Variants in CDH13 observed in about 807,000 individuals in gnomAD.
CDH13 encodes cadherin-13.
Under a neutral mutation model 63.8 loss-of-function variants are expected in CDH13, and 24 were observed. The observed-to-expected ratio is 0.38, with a 90% CI of 0.27 to 0.53. CDH13 has a LOEUF of 0.53. Among genes scored for constraint, CDH13 ranks in the 20% least tolerant of loss-of-function variants. The pLI is 0.85. For missense variants in CDH13, 1,049 were observed against 903.1 expected (o/e 1.16, Z -2.07); for synonymous variants, 503 against 355.3 (o/e 1.42, Z -4.67).
At chr16:83,119,469 C>G (rs2035465535) in intron 3 of CDH13, among the ~76,000 whole-genome samples, 1 of 152,206 alleles carries the variant, frequency 6.6e-6, no homozygotes, top group South Asian at 2.1e-4. Flanking sequence ...TTTTAAAAGC[C>G]TTTGCCCACT....
chr16:83,420,846 G>T (rs965569814), intron 6 of CDH13, among the ~76,000 whole-genome samples: 1 of 152,186 alleles, frequency 6.6e-6, no homozygotes, highest in Non-Finnish European at 1.5e-5. Context: ...AAGTCCCAGA[G>T]TCCAAAGGCT....
chr16:83,566,366 G>A (rs558361596), intron 7 of CDH13, among the ~76,000 whole-genome samples: 9 of 152,254 alleles, frequency 5.9e-5, no homozygotes, highest in Non-Finnish European at 1.0e-4. Context: ...TGCTGGAATG[G>A]GAGTTCCAGC....
intron 2 of CDH13, among the ~76,000 whole-genome samples, chr16:82,967,557 C>T (rs1209518791): frequency 3.3e-5 from 5 of 152,174 alleles, no homozygotes; most frequent in African/African-American, 4.8e-5. Flanking sequence ...CGTGGGAAGC[C>T]CACAGGAACA....
chr16:83,084,129 C>T (rs183914309), intron 3 of CDH13, among the ~76,000 whole-genome samples: 21 of 152,268 alleles, frequency 1.4e-4, no homozygotes, highest in Middle Eastern at 3.4e-3. Context: ...TTATAGGTAG[C>T]GCTCTTCACA....
intron 1 of CDH13, among the ~76,000 whole-genome samples, chr16:82,680,611 T>C (rs1246449420): frequency 5.9e-5 from 9 of 152,180 alleles, no homozygotes; most frequent in Non-Finnish European, 1.0e-4. Flanking sequence ...TCAGTGATCA[T>C]TATATTACTC....
chr16:83,082,926 C>G (rs550603115), intron 3 of CDH13, among the ~76,000 whole-genome samples: 1 of 152,304 alleles, frequency 6.6e-6, no homozygotes, highest in Admixed American at 6.5e-5. Context: ...TGATTTATGT[C>G]TATTCCCAGA....
At chr16:83,420,460 C>G (rs1428406702) in intron 6 of CDH13, among the ~76,000 whole-genome samples, 2 of 152,156 alleles carry the variant, frequency 1.3e-5, no homozygotes, top group Admixed American at 6.5e-5. Flanking sequence ...TGGGCAGAGA[C>G]CACAGGAGTA....
intron 7 of CDH13, among the ~76,000 whole-genome samples, chr16:83,599,437 A>T (rs1016402983): frequency 6.6e-6 from 1 of 152,226 alleles, no homozygotes; most frequent in Non-Finnish European, 1.5e-5. Flanking sequence ...AAATATGAAT[A>T]AAAAGCCTGA....
intron 5 of CDH13, among the ~76,000 whole-genome samples, chr16:83,269,406 T>C (rs559585339): frequency 6.6e-6 from 1 of 152,130 alleles, no homozygotes; most frequent in Non-Finnish European, 1.5e-5. Context: ...TCTCAAATAT[T>C]GATTATCTAA....
rs192190231 is a variant in CDH13, at chr16:83,371,933, C to G, written c.781+26927C>G. On this transcript the variant is annotated intron_variant, in intron 6 of 13. Transcript: ENST00000567109. ...AAAATAGGTGTTTAATAAATGGTAACTAATCATCCCCCGGACCGTATATAC... is the reference window on the plus strand; with the variant it reads ...AAAATAGGTGTTTAATAAATGGTAAGTAATCATCCCCCGGACCGTATATAC... 6.6e-4 allele frequency among the ~76,000 whole-genome samples: 100 copies of G among 152,308 alleles called. 1 individual carries two copies. The highest frequency in any genetic ancestry group is 6.5e-3 in the Admixed American group (100 of 15,294).
chr16:83,332,876 T>C (rs2090508347), intron 5 of CDH13, among the ~76,000 whole-genome samples: 2 of 152,152 alleles, frequency 1.3e-5, no homozygotes, highest in Non-Finnish European at 2.9e-5. Context: ...TGAGCGTGCA[T>C]ACACATAAGA....
intron 3 of CDH13, among the ~76,000 whole-genome samples, chr16:83,119,278 C>G (rs561289852): frequency 3.0e-4 from 46 of 152,294 alleles, no homozygotes; most frequent in African/African-American, 1.1e-3. Flanking sequence ...TTTCCCTCTT[C>G]CCATAATCTG....
intron 6 of CDH13, among the ~76,000 whole-genome samples, chr16:83,377,478 A>G (rs944430022): frequency 6.6e-6 from 1 of 151,780 alleles, no homozygotes; most frequent in South Asian, 2.1e-4. Flanking sequence ...GGACTGTCAA[A>G]CTCTTGGGTG....
intron 6 of CDH13, among the ~76,000 whole-genome samples, chr16:83,389,028 G>A (rs1320765430): frequency 1.3e-5 from 2 of 152,166 alleles, no homozygotes; most frequent in Non-Finnish European, 2.9e-5. Context: ...AGTCAGAGCC[G>A]ACAGGGAAGG....
chr16:82,770,924 T>C (rs1383142153), intron 1 of CDH13, among the ~76,000 whole-genome samples: 1 of 152,176 alleles, frequency 6.6e-6, no homozygotes, highest in East Asian at 1.9e-4. Context: ...CCCAGGCTGG[T>C]CTTGAACTAC....
chr16:83,246,013 A>G (rs1029704487), intron 5 of CDH13, among the ~76,000 whole-genome samples: 2 of 152,232 alleles, frequency 1.3e-5, no homozygotes, highest in African/African-American at 4.8e-5. Flanking sequence ...CTGGGATTGC[A>G]GGTGTGAACC....
chr16:82,765,057 C>T (rs531936215), intron 1 of CDH13, among the ~76,000 whole-genome samples: 2 of 152,308 alleles, frequency 1.3e-5, no homozygotes, highest in East Asian at 1.9e-4. Context: ...CTCAGATGAT[C>T]TGCCTACCTT....
chr16:83,687,716 G>T (rs1904448260), intron 10 of CDH13, among the ~76,000 whole-genome samples: 1 of 152,190 alleles, frequency 6.6e-6, no homozygotes, highest in South Asian at 2.1e-4. Context: ...TCCCAGGAAG[G>T]GTAGCCAGTG....
chr16:83,037,314 C>G (rs1367127308), intron 3 of CDH13, among the ~76,000 whole-genome samples: 1 of 152,156 alleles, frequency 6.6e-6, no homozygotes, highest in Non-Finnish European at 1.5e-5. Context: ...TAACTTGAAA[C>G]TGACAAAAAT....
Sources: gnomAD v4.1 joint callset for allele counts (sites outside exome capture counted in the v4.1 genomes callset) on GRCh38, gnomAD v4.1.1 for gene constraint, MANE v1.5 for transcripts, NCBI Gene and HGNC (gene_info 2026-07-23, HGNC 2026-07-21) for gene names.